Variants in SLC6A7 observed in about 807,000 individuals in gnomAD.
The protein encoded by SLC6A7 is sodium-dependent proline transporter.
Under a neutral mutation model 73.1 loss-of-function variants are expected in SLC6A7, and 58 were observed. The ratio of observed to expected loss-of-function variants is 0.79; its 90% CI spans 0.64 to 0.99. The LOEUF is 0.99. SLC6A7 is among the 50% of genes least tolerant of loss of function. The pLI is 0.00. For synonymous variants in SLC6A7, 338 were observed against 338.7 expected (o/e 1.00, Z 0.02); for missense variants, 783 against 831.4 (o/e 0.94, Z 0.72).
At position 150,198,106 on chromosome 5, in the gene SLC6A7, A is replaced by AGAAG. The variant is rs1554115624; in HGVS notation, c.584+833_584+834insGGAA. ...AAGAAAGAAAGAAAGAAAGAAAGAA[A>AGAAG]GAAAGAAAGAGAAAGAAAGAAAGAA... On this transcript the variant is annotated intron_variant, in intron 4 of 13. Coordinates refer to ENST00000230671, the MANE Select transcript of SLC6A7 (RefSeq NM_014228.5). Among the ~76,000 whole-genome samples, 509 of 53,714 alleles carry AGAAG rather than the reference A, an allele frequency of 9.5e-3. 13 individuals are homozygous for AGAAG. Among genetic ancestry groups the AGAAG allele is most frequent in the African/African-American group, 0.027 (474 of 17,358 alleles). The allele number at this position is 53,714 out of a possible 152,430, so 35.2% of individuals were successfully genotyped here. A position where few individuals can be genotyped will look rare whatever the true frequency, so the allele number is the denominator to read the frequency against.
chr5:150,204,751 G>T, intron 11 of SLC6A7, 76 bp from the exon 12 acceptor site: 1 of 1,348,084 alleles, frequency 7.4e-7, no homozygotes, highest in Non-Finnish European at 1.1e-6. Context: ...AGTGGGGGCA[G>T]CTGGGGTAGA....
At chr5:150,190,511 G>T in intron 1 of SLC6A7, 151 bp downstream of exon 1, 1 of 549,362 alleles carries the variant, frequency 1.8e-6, no homozygotes, top group South Asian at 2.6e-5. Context: ...AACAGGGAGG[G>T]TCAGGGTCAC....
In SLC6A7 at chr5:150,204,930, A is replaced by G; in HGVS notation, c.1533+3A>G. On this transcript the variant is annotated splice_donor_region_variant and intron_variant, in intron 12 of 13. Transcript: ENST00000230671. The stretch of plus-strand genomic sequence containing the variant: ...TCCTGTCCCCAGCCACGCTCTTGGT[A>G]ACTGGGGAGGGCGGGAGGGTTTCTG... The G allele has an allele frequency of 7.1e-7, 1 of 1,415,238 alleles. No homozygotes were observed. The highest frequency in any genetic ancestry group is 1.0e-6 in the Non-Finnish European group (1 of 999,352). 87.7% of individuals were successfully genotyped at this position (1,415,238 alleles called of 1,614,324 possible).
intron 1 of SLC6A7, among the ~76,000 whole-genome samples, chr5:150,192,871 C>T (rs971536714): frequency 6.6e-6 from 1 of 152,124 alleles, no homozygotes; most frequent in South Asian, 2.1e-4. Flanking sequence ...GGGTAACAGG[C>T]CTGCTCACCA....
At chr5:150,199,906 G>A (rs1033024102) in intron 5 of SLC6A7, among the ~76,000 whole-genome samples, 1 of 152,196 alleles carries the variant, frequency 6.6e-6, no homozygotes, top group South Asian at 2.1e-4. Context: ...GTACATCTAA[G>A]CTTGGTAAAG....
At chr5:150,194,962 C>T in intron 2 of SLC6A7, 51 bp downstream of exon 2, 1 of 1,536,776 alleles carries the variant, frequency 6.5e-7, no homozygotes, top group Non-Finnish European at 8.9e-7. Flanking sequence ...GGGCCAAGGC[C>T]CTGGGGTACA....
intron 4 of SLC6A7, among the ~76,000 whole-genome samples, chr5:150,198,057 A>G (rs1048436291): frequency 1.8e-5 from 1 of 56,566 alleles, no homozygotes; most frequent in Non-Finnish European, 3.7e-5. Context: ...AAGAGAAAGA[A>G]AGAAAGAAAG....
chr5:150,202,901 C>T (rs1753464401), intron 8 of SLC6A7, among the ~76,000 whole-genome samples, 198 bp downstream of exon 8: 1 of 152,076 alleles, frequency 6.6e-6, no homozygotes, highest in African/African-American at 2.4e-5. Context: ...CTGGTGAGTC[C>T]CAGTGTCTAC....
Position 150,209,673 on chromosome 5 carries a change from G to T in SLC6A7, c.*58G>T. 2 of 1,355,138 alleles carry T rather than the reference G, an allele frequency of 1.5e-6. No individual in the cohort carries two copies. 83.9% of individuals were successfully genotyped at this position (1,355,138 alleles called of 1,614,324 possible). On this transcript the variant is annotated 3_prime_UTR_variant, in exon 14 of 14. Coordinates refer to ENST00000230671, the MANE Select transcript of SLC6A7 (RefSeq NM_014228.5). ...GGGACCTCACAGTCCCTTCTTAGAA[G>T]CCTGCAAAGGTCAGCTGTGCCCTCT...
chr5:150,207,249 T>C (rs113266397), intron 13 of SLC6A7, among the ~76,000 whole-genome samples: 7 of 152,156 alleles, frequency 4.6e-5, no homozygotes, highest in African/African-American at 1.7e-4. Context: ...AGGCAGGTTT[T>C]TTTGTCTTTT....
At chr5:150,199,181 A>G in intron 4 of SLC6A7, 47 bp from the exon 5 acceptor site, 1 of 1,525,390 alleles carries the variant, frequency 6.6e-7, no homozygotes, top group Non-Finnish European at 8.8e-7. Context: ...ATGTCTGTGG[A>G]GCCTGGTGGG....
At chr5:150,201,774 A>G (rs1257548232) in intron 6 of SLC6A7, among the ~76,000 whole-genome samples, 1 of 152,162 alleles carries the variant, frequency 6.6e-6, no homozygotes, top group Non-Finnish European at 1.5e-5. Context: ...TGGTACTGAC[A>G]GCTAATGTTA....
rs1180983287 is a variant in SLC6A7, at chr5:150,190,186, G to T, written c.-142G>T. ...CCGCGCTCCACGCCCGCAGCCGCCA[G>T]ACGGCAGCGCCTGCGTCCGTGCCCG... On this transcript the variant is annotated 5_prime_UTR_variant, in exon 1 of 14. Coordinates refer to ENST00000230671, the MANE Select transcript of SLC6A7 (RefSeq NM_014228.5). The T allele has an allele frequency of 1.6e-6, 1 of 614,674 alleles. No individual in the cohort carries two copies. The highest frequency in any genetic ancestry group is 2.6e-6 in the Non-Finnish European group (1 of 382,446). 38.1% of individuals were successfully genotyped at this position (614,674 alleles called of 1,614,324 possible).
At chr5:150,200,990 C>A in intron 5 of SLC6A7, 99 bp from the exon 6 acceptor site, 2 of 1,349,364 alleles carry the variant, frequency 1.5e-6, no homozygotes, top group Admixed American at 3.5e-5. Context: ...GCTTGGGCTA[C>A]CCAAAGGCTG....
At position 150,201,156 on chromosome 5, in the gene SLC6A7, T is replaced by G. The variant is rs1209092502; in HGVS notation, c.791T>G (p.Leu264Arg). The change falls in exon 6 of 14, where the codon CTC becomes CGC. Residue 264 changes from leucine (L) to arginine (R), a missense_variant. Coordinates refer to ENST00000230671, the MANE Select transcript of SLC6A7 (RefSeq NM_014228.5). ...ATGCTGCTGGTCCGCGGAGTCACCCTCCCAGGGGCCTGGAAGGGCATCCAG... is the reference window on the plus strand; with the variant it reads ...ATGCTGCTGGTCCGCGGAGTCACCCGCCCAGGGGCCTGGAAGGGCATCCAG... ...LLMLLVRGVT[L>R]PGAWKGIQFY... The G allele has an allele frequency of 7.4e-6, 12 of 1,613,656 alleles. No homozygotes were observed.
At position 150,210,519 on chromosome 5, in the gene SLC6A7, G is replaced by C. The variant is rs753096851; in HGVS notation, c.*904G>C. On this transcript the variant is annotated 3_prime_UTR_variant, in exon 14 of 14. Coordinates refer to ENST00000230671, the MANE Select transcript of SLC6A7 (RefSeq NM_014228.5). ...AAAGAGCTGCCGGTGGCCTGAGCCA[G>C]GGTGCTGGGGCTGCGGGTGGGGAAA... 1 of 152,772 alleles carries C rather than the reference G, an allele frequency of 6.5e-6. No homozygotes were observed. The highest frequency in any genetic ancestry group is 1.5e-5 in the Non-Finnish European group (1 of 68,440). 9.5% of individuals were successfully genotyped at this position (152,772 alleles called of 1,614,324 possible).
intron 11 of SLC6A7, 84 bp from the exon 12 acceptor site, chr5:150,204,742 GT>G (rs1753591000): frequency 1.5e-6 from 2 of 1,348,944 alleles, no homozygotes; most frequent in African/African-American, 2.9e-5. Context: ...AGGGTTTCCA[GT>G]GGGGGCAGCT....
intron 13 of SLC6A7, among the ~76,000 whole-genome samples, chr5:150,206,195 C>A (rs1753689416): frequency 6.6e-6 from 1 of 152,142 alleles, no homozygotes; most frequent in African/African-American, 2.4e-5. Context: ...CCTCATTGCA[C>A]CCTCTGAACA....
At position 150,196,703 on chromosome 5, in the gene SLC6A7, C is replaced by A; in HGVS notation, c.218-13C>A. On this transcript the variant is annotated splice_polypyrimidine_tract_variant and intron_variant, in intron 2 of 13. Coordinates refer to ENST00000230671, the MANE Select transcript of SLC6A7 (RefSeq NM_014228.5). ...GCCCCCAAGGCCCTTGCTGACCACC[C>A]CGCTCCCGGCAGGCGCCTTCCTCGT... is the stretch of plus-strand genomic sequence containing the variant. 1 of 1,610,804 alleles carries A rather than the reference C, an allele frequency of 6.2e-7. No homozygotes were observed. The highest frequency in any genetic ancestry group is 8.5e-7 in the Non-Finnish European group (1 of 1,178,224).
Sources: allele counts gnomAD v4.1 joint callset (sites outside exome capture counted in the v4.1 genomes callset), GRCh38; gene constraint gnomAD v4.1.1; transcripts MANE v1.5; gene names NCBI Gene and HGNC (gene_info 2026-07-23, HGNC 2026-07-21).